PPP1R9A: variants seen among roughly 807,000 people sequenced by gnomAD.
PPP1R9A encodes the protein protein phosphatase 1 regulatory subunit 9A.
A neutral mutation model predicts 141.9 loss-of-function variants in PPP1R9A; 59 were observed. The observed-to-expected ratio is 0.42, with a 90% CI of 0.34 to 0.52. The LOEUF is 0.52. Ranked by LOEUF, PPP1R9A falls within the 20% of genes least tolerant of loss-of-function variation. PPP1R9A has a pLI of 0.10. For synonymous variants in PPP1R9A, 500 were observed against 569.7 expected (o/e 0.88, Z 1.74); for missense variants, 1,444 against 1,611.9 (o/e 0.90, Z 1.78).
intron 2 of PPP1R9A, among the ~76,000 whole-genome samples, chr7:95,013,505 A>G (rs1035297779): frequency 6.6e-6 from 1 of 152,114 alleles, no homozygotes; most frequent in African/African-American, 2.4e-5. Context: ...ATGTTTAAGA[A>G]CTAAACCAGA....
chr7:95,276,987 T>C (rs1203538134), intron 16 of PPP1R9A, among the ~76,000 whole-genome samples: 1 of 152,152 alleles, frequency 6.6e-6, no homozygotes. Flanking sequence ...TGAAAGTCTG[T>C]GGGCTGTAAG....
intron 14 of PPP1R9A, among the ~76,000 whole-genome samples, 171 bp from the exon 15 acceptor site, chr7:95,273,726 CTG>C (rs1156581486): frequency 2.6e-5 from 4 of 152,022 alleles, no homozygotes; most frequent in African/African-American, 7.3e-5. Context: ...CCCTGCTTAA[CTG>C]CGAGTTCCTC....
intron 6 of PPP1R9A, among the ~76,000 whole-genome samples, chr7:95,200,059 G>A (rs1468189258): frequency 6.6e-6 from 1 of 151,548 alleles, no homozygotes; most frequent in African/African-American, 2.4e-5. Flanking sequence ...ACAGGGATTG[G>A]GCTAGATCAC....
rs1801551984 is a variant in PPP1R9A at position 94,991,822 on chromosome 7, C to T, written c.1395+80314C>T. 2.6e-5 allele frequency among the ~76,000 whole-genome samples: 4 copies of T among 151,952 alleles called. 1 individual carries two copies. The South Asian group carries it at 8.3e-4, about 32-fold the overall frequency. The stretch of plus-strand genomic sequence containing the variant: ...TCACACCAAGACACCCAGCTAACTT[C>T]TGTACTTTTGGCAGAGATGAGGTTT... On this transcript the variant is annotated intron_variant, in intron 2 of 19. Coordinates refer to ENST00000433360, the MANE Select transcript of PPP1R9A (RefSeq NM_001166160.2).
chr7:95,191,070 ATCTT>A (rs1835429043), intron 5 of PPP1R9A, among the ~76,000 whole-genome samples: 1 of 152,236 alleles, frequency 6.6e-6, no homozygotes, highest in Non-Finnish European at 1.5e-5. Flanking sequence ...AACATGTAGA[ATCTT>A]TATGACTTCA....
intron 8 of PPP1R9A, among the ~76,000 whole-genome samples, chr7:95,226,966 T>G (rs577818823): frequency 6.6e-6 from 1 of 152,316 alleles, no homozygotes; most frequent in Non-Finnish European, 1.5e-5. Context: ...GTATCCTCCA[T>G]CATTGAAGAG....
chr7:95,001,338 G>A (rs924675769), intron 2 of PPP1R9A, among the ~76,000 whole-genome samples: 3 of 152,134 alleles, frequency 2.0e-5, no homozygotes, highest in African/African-American at 7.2e-5. Flanking sequence ...TGTTGTTGTT[G>A]ACAGAAAAGT....
At chr7:95,083,036 T>C (rs1452654931) in intron 2 of PPP1R9A, among the ~76,000 whole-genome samples, 1 of 151,838 alleles carries the variant, frequency 6.6e-6, no homozygotes, top group Non-Finnish European at 1.5e-5. Flanking sequence ...ATTACAGGCG[T>C]GAGCCACTGC....
At chr7:94,988,650 A>G (rs1801135565) in intron 2 of PPP1R9A, among the ~76,000 whole-genome samples, 2 of 152,106 alleles carry the variant, frequency 1.3e-5, no homozygotes, top group Non-Finnish European at 2.9e-5. Context: ...AAGTGAAATG[A>G]GAAACGTCTA....
intron 2 of PPP1R9A, chr7:95,108,753 T>C (rs1820024353): frequency 6.6e-6 from 1 of 152,124 alleles, no homozygotes; most frequent in Non-Finnish European, 1.5e-5. Flanking sequence ...CATTCTGATA[T>C]CAGAGTGTTT....
At chr7:95,118,723 G>A (rs999338210) in intron 3 of PPP1R9A, among the ~76,000 whole-genome samples, 1 of 150,852 alleles carries the variant, frequency 6.6e-6, no homozygotes, top group Non-Finnish European at 1.5e-5. Flanking sequence ...CATAATACCA[G>A]CACTTTGGGA....
chr7:95,103,362 C>CTTT lies in PPP1R9A; in HGVS notation c.1396-7881_1396-7879dup, dbSNP rs897838647. Among the ~76,000 whole-genome samples, 97 of 88,814 alleles carry CTTT rather than the reference C, an allele frequency of 1.1e-3. 11 individuals are homozygous for CTTT. The highest frequency in any genetic ancestry group is 2.8e-3 in the African/African-American group (59 of 21,358). The allele number at this position is 88,814 out of a possible 152,430, so 58.3% of individuals were successfully genotyped here. A position where few individuals can be genotyped will look rare whatever the true frequency, so the allele number is the denominator to read the frequency against. On this transcript the variant is annotated intron_variant, in intron 2 of 19. Transcript: ENST00000433360. Reference sequence around the variant, plus strand: ...GAGTATGTTTGGTTTTTTTTCACTTCTTTTTTTTTTTTTTTTTTGAGACAG... The same window carrying CTTT: ...GAGTATGTTTGGTTTTTTTTCACTTCTTTTTTTTTTTTTTTTTTTTTGAGACAG...
chr7:95,106,151 A>G (rs1244921172), intron 2 of PPP1R9A, among the ~76,000 whole-genome samples: 2 of 152,190 alleles, frequency 1.3e-5, no homozygotes, highest in Non-Finnish European at 1.5e-5. Context: ...AGTAGGTATC[A>G]GGGGAAATAT....
At chr7:95,151,254 A>G (rs1828614341) in intron 4 of PPP1R9A, among the ~76,000 whole-genome samples, 1 of 152,244 alleles carries the variant, frequency 6.6e-6, no homozygotes, top group African/African-American at 2.4e-5. Flanking sequence ...GTGAATGTAA[A>G]AAGTGTGGTA....
chr7:95,209,676 G>C (rs1055952557), intron 7 of PPP1R9A, among the ~76,000 whole-genome samples: 1 of 152,126 alleles, frequency 6.6e-6, no homozygotes, highest in Non-Finnish European at 1.5e-5. Context: ...AATGACATTT[G>C]TGTTGGTTTT....
At chr7:94,974,339 G>A (rs1466488955) in intron 2 of PPP1R9A, among the ~76,000 whole-genome samples, 2 of 152,192 alleles carry the variant, frequency 1.3e-5, no homozygotes, top group Non-Finnish European at 2.9e-5. Flanking sequence ...CATAGATAGA[G>A]AAATGGAAAT....
chr7:94,998,244 C>T (rs906526030), intron 2 of PPP1R9A, among the ~76,000 whole-genome samples: 2 of 152,118 alleles, frequency 1.3e-5, no homozygotes, highest in African/African-American at 4.8e-5. Context: ...ACTTCATCTG[C>T]TCTCATTTAA....
chr7:95,289,257 C>A (rs1805936175), intron 19 of PPP1R9A, among the ~76,000 whole-genome samples: 1 of 152,196 alleles, frequency 6.6e-6, no homozygotes, highest in Non-Finnish European at 1.5e-5. Flanking sequence ...AAGGTGGCAT[C>A]CATCCCTTTG....
At chr7:95,162,075 C>T (rs1037812747) in intron 5 of PPP1R9A, 104 bp downstream of exon 5, 22 of 632,680 alleles carry the variant, frequency 3.5e-5, no homozygotes, top group Non-Finnish European at 5.4e-5. Context: ...ACAATTTTAC[C>T]TGAATAGTAA....
Sources: gnomAD v4.1 joint callset for allele counts (sites outside exome capture counted in the v4.1 genomes callset) on GRCh38, gnomAD v4.1.1 for gene constraint, MANE v1.5 for transcripts, NCBI Gene and HGNC (gene_info 2026-07-23, HGNC 2026-07-21) for gene names.